The following SMOX variants were observed in gnomAD, a reference collection of about 807,000 sequenced individuals.
The protein encoded by SMOX is spermine oxidase.
Under a neutral mutation model 51.0 loss-of-function variants are expected in SMOX, and 22 were observed. The observed-to-expected ratio is 0.43, with a 90% CI of 0.31 to 0.62. SMOX has a LOEUF of 0.62. Ranked by LOEUF, SMOX falls within the 20% of genes least tolerant of loss-of-function variation. The pLI, the probability that SMOX is intolerant of heterozygous loss-of-function variation, is 0.10. For synonymous variants in SMOX, 282 were observed against 307.8 expected (o/e 0.92, Z 0.88); for missense variants, 566 against 777.7 (o/e 0.73, Z 3.24).
At position 4,153,746 on chromosome 20, in the gene SMOX, A is replaced by G. The variant is rs1272411472; in HGVS notation, c.-27+4769A>G. ...TCACCAGCCTTCATGGTTGTCAGGA[A>G]GGGCTCCCTTCTCTGGCAGGGGAGC... is the stretch of plus-strand genomic sequence containing the variant. On this transcript the variant is annotated intron_variant, in intron 1 of 6. Transcript: ENST00000305958. This position sits in a 1 kb window ranked among gnomAD's most constrained non-coding sequence, Gnocchi z 4.4. 1.3e-5 allele frequency among the ~76,000 whole-genome samples: 2 copies of G among 152,316 alleles called. No homozygotes were observed. The highest frequency in any genetic ancestry group is 3.9e-4 in the East Asian group (2 of 5,180).
chr20:4,175,836 G>A (rs1256691510), intron 2 of SMOX, among the ~76,000 whole-genome samples: 2 of 145,778 alleles, frequency 1.4e-5, no homozygotes, highest in Non-Finnish European at 3.0e-5. Context: ...ACTTTGCCAG[G>A]GATCTCAGAG....
Position 4,177,602 on chromosome 20 carries a change from G to C in SMOX, c.435+25G>C. 6.4e-7 allele frequency: 1 copy of C among 1,559,524 alleles called. No homozygotes were observed. ...GGTAAGGTGTGAGCAGAGTAGCTGG[G>C]CGTAAGGGCATGGGGAGACCTGGGA... is the stretch of plus-strand genomic sequence containing the variant. On this transcript the variant is annotated intron_variant, in intron 3 of 6. Transcript: ENST00000305958. This position sits in a 1 kb window ranked among gnomAD's most constrained non-coding sequence, Gnocchi z 4.3.
At position 4,187,246 on chromosome 20, in the gene SMOX, G is replaced by T; in HGVS notation, c.1531-24G>T. 1 of 1,603,438 alleles carries T rather than the reference G, an allele frequency of 6.2e-7. No individual in the cohort carries two copies. The highest frequency in any genetic ancestry group is 8.5e-7 in the Non-Finnish European group (1 of 1,173,468). ...CTGGCCTTTGCTGCTCCTCCACCCT[G>T]ACCTCCCCATCCCCGCCCCGCAGCC... On this transcript the variant is annotated intron_variant, in intron 6 of 6. Coordinates refer to ENST00000305958, the MANE Select transcript of SMOX (RefSeq NM_175839.3). This position sits in a 1 kb window ranked among gnomAD's most constrained non-coding sequence, Gnocchi z 4.8.
intron 1 of SMOX, among the ~76,000 whole-genome samples, chr20:4,159,017 TAAA>T (rs10714303): frequency 0.047 from 7,021 of 149,656 alleles, 190 homozygotes; most frequent in African/African-American, 0.077. Context: ...TTTGGAAAAT[TAAA>T]AAAAAAAAAT....
rs1261214558 is a variant in SMOX, at chr20:4,181,641, T to G, written c.436-162T>G. Among the ~76,000 whole-genome samples, 3 of 152,124 alleles carry G rather than the reference T, an allele frequency of 2.0e-5. No homozygotes were observed. The highest frequency in any genetic ancestry group is 7.2e-5 in the African/African-American group (3 of 41,426). On this transcript the variant is annotated intron_variant, in intron 3 of 6. Transcript: ENST00000305958. The surrounding 1 kb of genome is among the most constrained non-coding windows in gnomAD (Gnocchi z 5.6). Reference sequence around the variant, plus strand: ...AGGTGGCTGCCCGGGGCCTTGGCTTTTGGTGCAGCATTGAGTGCAACATCG... The same window carrying G: ...AGGTGGCTGCCCGGGGCCTTGGCTTGTGGTGCAGCATTGAGTGCAACATCG...
intron 1 of SMOX, among the ~76,000 whole-genome samples, chr20:4,157,923 T>C (rs12625542): frequency 0.48 from 72,058 of 151,160 alleles, 17,971 homozygotes; most frequent in African/African-American, 0.62. Flanking sequence ...TTTTTTGAGT[T>C]GGAGTCTCGC....
intron 3 of SMOX, among the ~76,000 whole-genome samples, chr20:4,178,600 G>A (rs141096743): frequency 3.3e-4 from 50 of 152,156 alleles, no homozygotes; most frequent in African/African-American, 1.2e-3. Flanking sequence ...CTTGTCATTT[G>A]TAGTGTAATG....
At chr20:4,156,511 C>T (rs1425362932) in intron 1 of SMOX, among the ~76,000 whole-genome samples, 7 of 152,156 alleles carry the variant, frequency 4.6e-5, no homozygotes, top group Non-Finnish European at 1.0e-4. Flanking sequence ...AACTGCTACC[C>T]CCCTGCCAGT....
intron 2 of SMOX, chr20:4,175,908 G>GGT (rs1295544058): frequency 1.3e-5 from 2 of 148,466 alleles, no homozygotes; most frequent in East Asian, 4.2e-4. Context: ...GAGGGGGTGG[G>GGT]GGGGGGATGG....
intron 1 of SMOX, among the ~76,000 whole-genome samples, chr20:4,160,508 C>T (rs1986257924): frequency 6.6e-6 from 1 of 152,094 alleles, no homozygotes; most frequent in Admixed American, 6.5e-5. Context: ...GGGCCTGTTT[C>T]CTCATCTGTA....
At chr20:4,161,154 C>T (rs1986294240) in intron 1 of SMOX, among the ~76,000 whole-genome samples, 1 of 152,204 alleles carries the variant, frequency 6.6e-6, no homozygotes, top group African/African-American at 2.4e-5. Flanking sequence ...CACCGGGAAG[C>T]CACCCCCTCA....
chr20:4,185,660 A>T (rs1979674286), intron 6 of SMOX, among the ~76,000 whole-genome samples: 1 of 103,922 alleles, frequency 9.6e-6, no homozygotes, highest in Non-Finnish European at 1.7e-5. Context: ...ACACACACAC[A>T]CAAATAAATA....
intron 1 of SMOX, among the ~76,000 whole-genome samples, chr20:4,156,461 GC>G (rs1986024067): frequency 6.6e-6 from 1 of 152,034 alleles, no homozygotes. Flanking sequence ...GTAAATCTTT[GC>G]CCCCCATGTC....
intron 3 of SMOX, among the ~76,000 whole-genome samples, chr20:4,179,190 C>A (rs1050525571): frequency 3.9e-5 from 6 of 152,194 alleles, no homozygotes; most frequent in Non-Finnish European, 7.3e-5. Flanking sequence ...ACAGACCTTT[C>A]TTTTCTGCTG....
At chr20:4,178,038 T>G (rs922643936) in intron 3 of SMOX, among the ~76,000 whole-genome samples, 1 of 152,148 alleles carries the variant, frequency 6.6e-6, no homozygotes, top group Admixed American at 6.6e-5. Flanking sequence ...TATTTAATTT[T>G]TTGTTGTTGT....
At chr20:4,152,897 C>G (rs181581637) in intron 1 of SMOX, among the ~76,000 whole-genome samples, 1 of 152,292 alleles carries the variant, frequency 6.6e-6, no homozygotes. Flanking sequence ...AGTCATACAA[C>G]TAAATAATAA....
At chr20:4,161,457 C>G (rs1264256061) in intron 1 of SMOX, among the ~76,000 whole-genome samples, 1 of 152,224 alleles carries the variant, frequency 6.6e-6, no homozygotes, top group Admixed American at 6.5e-5. Flanking sequence ...TGTCATTTTT[C>G]TGACCCCATC....
chr20:4,166,591 C>G lies in SMOX; in HGVS notation c.-26-8439C>G, dbSNP rs1000030121. 6.6e-6 allele frequency among the ~76,000 whole-genome samples: 1 copy of G among 152,220 alleles called. No individual in the cohort carries two copies. The highest frequency in any genetic ancestry group is 2.4e-5 in the African/African-American group (1 of 41,456). On this transcript the variant is annotated intron_variant, in intron 1 of 6. Coordinates refer to ENST00000305958, the MANE Select transcript of SMOX (RefSeq NM_175839.3). The surrounding 1 kb of genome is among the most constrained non-coding windows in gnomAD (Gnocchi z 4.2). ...TTTCTAGTTGAGTAGTCTCCTGGGT[C>G]TGCCCCTACAGGGAGCTATAAAATC...
intron 2 of SMOX, among the ~76,000 whole-genome samples, chr20:4,175,879 G>A (rs1270325762): frequency 7.4e-6 from 1 of 135,484 alleles, no homozygotes; most frequent in Non-Finnish European, 1.6e-5. Flanking sequence ...CCTAGGTCAG[G>A]GCTTCCCAAC....
Sources: gnomAD v4.1 joint callset for allele counts (sites outside exome capture counted in the v4.1 genomes callset) on GRCh38, gnomAD v4.1.1 for gene constraint, Gnocchi (gnomAD v3.1) non-coding constraint, MANE v1.5 for transcripts, NCBI Gene and HGNC (gene_info 2026-07-23, HGNC 2026-07-21) for gene names.